ASPRV1: variants seen among roughly 807,000 people sequenced by gnomAD.
ASPRV1 encodes retroviral-like aspartic protease 1.
A neutral mutation model predicts 11.0 loss-of-function variants in ASPRV1; 7 were observed. The observed-to-expected ratio is 0.64, with a 90% CI of 0.36 to 1.20. The LOEUF (loss-of-function observed/expected upper bound fraction) is 1.20. Ranked by LOEUF, ASPRV1 falls within the 50% of genes most tolerant of loss-of-function variation. The pLI, the probability that ASPRV1 is intolerant of heterozygous loss-of-function variation, is 0.02. For synonymous variants in ASPRV1, 136 were observed against 138.4 expected (o/e 0.98, Z 0.12); for missense variants, 299 against 320.0 (o/e 0.93, Z 0.50).
the ASPRV1 span, among the ~76,000 whole-genome samples, chr2:70,004,400 C>T: frequency 6.6e-6 from 1 of 151,828 alleles, no homozygotes; most frequent in Non-Finnish European, 1.5e-5. Context: ...TGCCGTGGCG[C>T]ACACCTGTAG....
At chr2:69,956,646 G>A (rs952181127), downstream of ASPRV1, among the ~76,000 whole-genome samples, 1 of 152,122 alleles carries the variant, frequency 6.6e-6, no homozygotes, top group East Asian at 1.9e-4. Context: ...GGCTAGTGGT[G>A]ACAGTCTTAT....
chr2:70,033,276 AACACACAC>A, the ASPRV1 span, among the ~76,000 whole-genome samples: 387 of 141,612 alleles, frequency 2.7e-3, 1 homozygote, highest in South Asian at 4.8e-3. Flanking sequence ...TCAAACAGAA[AACACACAC>A]ACACACACAC....
rs1238294949 is a variant in ASPRV1, at chr2:69,961,011, C to T, written c.426G>A (p.Glu142=). ...QVSVVHPNLW[E]EVTDGDLDTL... ...TGTCCAGATCGCCATCAGTGACCTC[C>T]TCCCACAAGTTTGGGTGGACCACAG... The change falls in exon 1 of 1, where the codon GAG becomes GAA. Residue 142 remains glutamate (E), a synonymous_variant. Transcript: ENST00000320256. 3 of 1,614,020 alleles carry T rather than the reference C, an allele frequency of 1.9e-6. No individual in the cohort carries two copies. The highest frequency in any genetic ancestry group is 3.3e-5 in the Admixed American group (2 of 60,004).
At chr2:69,993,914 C>T in the ASPRV1 span, 1 of 152,244 alleles carries the variant, frequency 6.6e-6, no homozygotes, top group African/African-American at 2.4e-5. Context: ...GGAAATCAGA[C>T]AGCACTCCTG....
chr2:69,985,235 C>T, the ASPRV1 span, among the ~76,000 whole-genome samples: 1 of 151,976 alleles, frequency 6.6e-6, no homozygotes, highest in Non-Finnish European at 1.5e-5. Context: ...TTCTCTCCTT[C>T]CCTTCTTTCC....
At chr2:70,010,879 G>A in the ASPRV1 span, among the ~76,000 whole-genome samples, 1 of 152,200 alleles carries the variant, frequency 6.6e-6, no homozygotes, top group Non-Finnish European at 1.5e-5. Flanking sequence ...GTGAGTGCTG[G>A]AGGTCAGGAC....
chr2:69,937,196 C>T, the ASPRV1 span: 1 of 1,609,550 alleles, frequency 6.2e-7, no homozygotes, highest in South Asian at 1.1e-5. Flanking sequence ...ATTTAGAGAT[C>T]TCCCTGTGGG....
chr2:70,039,419 A>G, the ASPRV1 span, among the ~76,000 whole-genome samples: 4 of 152,188 alleles, frequency 2.6e-5, no homozygotes, highest in East Asian at 1.9e-4. Flanking sequence ...AAATCTGAAG[A>G]AGGAATCAGA....
chr2:70,077,678 A>G, the ASPRV1 span, among the ~76,000 whole-genome samples: 42 of 151,062 alleles, frequency 2.8e-4, no homozygotes. Flanking sequence ...ACATGGTGAA[A>G]CCCCGCCTCT....
the ASPRV1 span, among the ~76,000 whole-genome samples, chr2:70,063,137 G>A: frequency 2.6e-5 from 4 of 152,232 alleles, no homozygotes; most frequent in African/African-American, 7.2e-5. Flanking sequence ...ATCCCCATCA[G>A]CCTGCAAAAG....
At chr2:70,076,266 G>A in the ASPRV1 span, among the ~76,000 whole-genome samples, 3 of 152,206 alleles carry the variant, frequency 2.0e-5, no homozygotes, top group African/African-American at 7.2e-5. Context: ...GCAGCGTAAT[G>A]GTTAGCAAAA....
the ASPRV1 span, among the ~76,000 whole-genome samples, chr2:69,943,424 T>A: frequency 6.6e-6 from 1 of 151,950 alleles, no homozygotes; most frequent in Admixed American, 6.6e-5. Flanking sequence ...GGAGTGAGTG[T>A]TTGCTGGGAA....
the ASPRV1 span, among the ~76,000 whole-genome samples, chr2:69,991,498 C>T: frequency 3.9e-5 from 6 of 152,150 alleles, no homozygotes; most frequent in African/African-American, 1.4e-4. Context: ...TTTATTGTTC[C>T]TCTGGGGGCT....
the ASPRV1 span, among the ~76,000 whole-genome samples, chr2:70,003,677 G>A: frequency 3.8e-3 from 581 of 152,282 alleles, 3 homozygotes; most frequent in African/African-American, 0.013. Flanking sequence ...GAGCCCAGCC[G>A]GCCATGACGG....
the ASPRV1 span, chr2:69,996,747 C>T: frequency 6.6e-3 from 3,033 of 456,690 alleles, 16 homozygotes; most frequent in Non-Finnish European, 0.011. Context: ...AAACCATCTA[C>T]CTGAGGCTGA....
upstream of ASPRV1, chr2:69,962,009 G>A (rs77274135): frequency 0.043 from 13,044 of 301,130 alleles, 376 homozygotes; most frequent in Non-Finnish European, 0.059. Context: ...TCCCCAACAA[G>A]TGACTACTTT....
the ASPRV1 span, chr2:70,086,918 T>C: frequency 6.6e-6 from 1 of 152,164 alleles, no homozygotes; most frequent in Non-Finnish European, 1.5e-5. Context: ...GGGTGGGGGA[T>C]CCATGCAGGG....
At chr2:69,969,604 C>G in the ASPRV1 span, among the ~76,000 whole-genome samples, 12 of 152,236 alleles carry the variant, frequency 7.9e-5, no homozygotes, top group East Asian at 2.3e-3. Context: ...TCCACACACT[C>G]TCCAGGCCAG....
upstream of ASPRV1, among the ~76,000 whole-genome samples, chr2:69,966,215 C>T (rs1678334790): frequency 2.0e-5 from 3 of 152,242 alleles, no homozygotes; most frequent in African/African-American, 7.2e-5. Context: ...GTCCAATTTG[C>T]CAAAACCGGT....
Sources: allele counts gnomAD v4.1 joint callset (sites outside exome capture counted in the v4.1 genomes callset), GRCh38; gene constraint gnomAD v4.1.1; transcripts MANE v1.5; gene names NCBI Gene and HGNC (gene_info 2026-07-23, HGNC 2026-07-21).